Variants in LINC00305 observed in about 807,000 individuals in gnomAD.
The protein encoded by LINC00305 is long independently transcribed non-coding RNA 305.
intron 1 of LINC00305, among the ~76,000 whole-genome samples, chr18:64,125,842 T>C (rs1292953396): frequency 6.6e-6 from 1 of 151,562 alleles, no homozygotes; most frequent in Non-Finnish European, 1.5e-5. Context: ...TCAGGGGGAG[T>C]GGGTTTGTTA....
intron 1 of LINC00305, among the ~76,000 whole-genome samples, chr18:64,124,132 C>T (rs972592395): frequency 1.4e-4 from 22 of 152,128 alleles, no homozygotes; most frequent in African/African-American, 4.6e-4. Flanking sequence ...TCCCAAAAGC[C>T]TTCTGAGATA....
intron 3 of LINC00305, among the ~76,000 whole-genome samples, chr18:64,091,922 G>A (rs2051226265): frequency 6.6e-6 from 1 of 152,186 alleles, no homozygotes; most frequent in East Asian, 1.9e-4. Flanking sequence ...AATTATTTAA[G>A]TAGAGACTAT....
intron 1 of LINC00305, among the ~76,000 whole-genome samples, chr18:64,138,987 C>G (rs960775973): frequency 6.6e-6 from 1 of 152,126 alleles, no homozygotes; most frequent in Non-Finnish European, 1.5e-5. Context: ...CTGTCAGCTC[C>G]CCAGTAAAAA....
At chr18:64,104,235 G>A (rs1419609972) in intron 1 of LINC00305, 1 of 152,182 alleles carries the variant, frequency 6.6e-6, no homozygotes, top group Non-Finnish European at 1.5e-5. Context: ...GTGGGGAGCA[G>A]GTATGGGATA....
At chr18:64,120,654 C>T (rs1299928102) in intron 1 of LINC00305, among the ~76,000 whole-genome samples, 1 of 152,080 alleles carries the variant, frequency 6.6e-6, no homozygotes, top group African/African-American at 2.4e-5. Context: ...AAGTTGTAGC[C>T]TTTTCAATCC....
At chr18:64,138,420 G>A (rs1416726497) in intron 1 of LINC00305, among the ~76,000 whole-genome samples, 1 of 152,228 alleles carries the variant, frequency 6.6e-6, no homozygotes, top group Non-Finnish European at 1.5e-5. Context: ...GTGGACACAA[G>A]TGAGAAGTAA....
At chr18:64,128,495 C>T (rs1165662391) in intron 1 of LINC00305, among the ~76,000 whole-genome samples, 10 of 152,152 alleles carry the variant, frequency 6.6e-5, no homozygotes, top group Middle Eastern at 3.4e-3. Flanking sequence ...GTGTGTTCAA[C>T]ATGACTGGCA....
chr18:64,081,859 G>A (rs1305050157), intron 3 of LINC00305, among the ~76,000 whole-genome samples: 1 of 152,144 alleles, frequency 6.6e-6, no homozygotes, highest in African/African-American at 2.4e-5. Flanking sequence ...ATGACCACAT[G>A]GTTTGGCAAG....
At chr18:64,137,005 G>C (rs535364287) in intron 1 of LINC00305, among the ~76,000 whole-genome samples, 9 of 152,320 alleles carry the variant, frequency 5.9e-5, no homozygotes, top group Non-Finnish European at 1.0e-4. Flanking sequence ...TGACTACGTG[G>C]AACCTATAAT....
At chr18:64,128,274 A>C (rs1215484453) in intron 1 of LINC00305, among the ~76,000 whole-genome samples, 1 of 152,120 alleles carries the variant, frequency 6.6e-6, no homozygotes, top group Admixed American at 6.6e-5. Context: ...GAGCCTAGCT[A>C]TTCATCAACT....
chr18:64,100,944 C>A (rs2051265836), intron 1 of LINC00305, among the ~76,000 whole-genome samples: 1 of 152,154 alleles, frequency 6.6e-6, no homozygotes, highest in Admixed American at 6.5e-5. Context: ...AGGGTGCTTG[C>A]TTTCCAGAGA....
chr18:64,083,080 C>G (rs1568102215), intron 3 of LINC00305, among the ~76,000 whole-genome samples: 1 of 152,270 alleles, frequency 6.6e-6, no homozygotes, highest in East Asian at 1.9e-4. Flanking sequence ...TATTTAGTCT[C>G]TTTAGCCATT....
intron 1 of LINC00305, among the ~76,000 whole-genome samples, chr18:64,124,171 C>T (rs952120731): frequency 1.3e-5 from 2 of 152,170 alleles, no homozygotes; most frequent in African/African-American, 4.8e-5. Flanking sequence ...TATCCACACA[C>T]CTCAGATTAG....
At chr18:64,102,623 A>G (rs566974269) in intron 1 of LINC00305, among the ~76,000 whole-genome samples, 3 of 152,286 alleles carry the variant, frequency 2.0e-5, no homozygotes, top group Admixed American at 1.3e-4. Flanking sequence ...TTATAAAGAA[A>G]GAGATTTAAC....
chr18:64,080,337 T>C (rs1259813790), exon 4 of LINC00305: 1 of 457,768 alleles, frequency 2.2e-6, no homozygotes, highest in Admixed American at 2.3e-5. Flanking sequence ...TTGACAACCA[T>C]GTGGCTTTCT....
At chr18:64,131,037 G>T (rs1250958146) in intron 1 of LINC00305, among the ~76,000 whole-genome samples, 1 of 152,108 alleles carries the variant, frequency 6.6e-6, no homozygotes, top group South Asian at 2.1e-4. Context: ...CAATGAAAAG[G>T]GGGAGGCATC....
chr18:64,125,575 A>C (rs1254728279), intron 1 of LINC00305, among the ~76,000 whole-genome samples: 1 of 152,080 alleles, frequency 6.6e-6, no homozygotes, highest in Non-Finnish European at 1.5e-5. Flanking sequence ...TTTTACTTAA[A>C]AAGGAAAATA....
At chr18:64,098,764 G>T (rs1448278823) in intron 1 of LINC00305, 1 of 309,406 alleles carries the variant, frequency 3.2e-6, no homozygotes, top group African/African-American at 2.2e-5. Flanking sequence ...CTCATCTAAA[G>T]CCTGGACCTG....
At chr18:64,143,604 A>G (rs543005688) in intron 1 of LINC00305, among the ~76,000 whole-genome samples, 3 of 107,922 alleles carry the variant, frequency 2.8e-5, no homozygotes, top group South Asian at 2.7e-4. Flanking sequence ...ACATATGTAT[A>G]TGTACATATG....
Sources: gnomAD v4.1 joint callset for allele counts (sites outside exome capture counted in the v4.1 genomes callset) on GRCh38, gnomAD v4.1.1 for gene constraint, MANE v1.5 for transcripts, NCBI Gene and HGNC (gene_info 2026-07-23, HGNC 2026-07-21) for gene names.